The following DCAF17 variants were observed in gnomAD, a reference collection of about 807,000 sequenced individuals.
DCAF17 encodes DDB1- and CUL4-associated factor 17.
DCAF17 carries 48 observed loss-of-function variants against 66.0 expected under a neutral mutation model. The ratio of observed to expected loss-of-function variants is 0.73; its 90% CI spans 0.58 to 0.92. The LOEUF (loss-of-function observed/expected upper bound fraction) is 0.92, where lower values mean the gene tolerates loss of function less well. DCAF17 is among the 40% of genes least tolerant of loss of function. DCAF17 has a pLI of 0.00. For missense variants in DCAF17, 562 were observed against 622.8 expected, an observed-to-expected ratio of 0.90 and a Z score of 1.04; for synonymous variants, 206 against 214.6, an observed-to-expected ratio of 0.96 and a Z score of 0.35.
At chr2:171,464,924 G>C (rs1034172668) in intron 8 of DCAF17, among the ~76,000 whole-genome samples, 2 of 152,006 alleles carry the variant, frequency 1.3e-5, no homozygotes, top group Non-Finnish European at 2.9e-5. Flanking sequence ...GGCCAGGTGC[G>C]GTGGCTCACA....
chr2:171,473,804 G>C, intron 9 of DCAF17, 62 bp from the exon 10 acceptor site: 7 of 1,362,052 alleles, frequency 5.1e-6, no homozygotes, highest in Non-Finnish European at 7.3e-6. Context: ...ACTTGGGTTA[G>C]ATTTGTAAAA....
intron 2 of DCAF17, among the ~76,000 whole-genome samples, chr2:171,442,252 A>G (rs1694345276): frequency 6.6e-6 from 1 of 152,206 alleles, no homozygotes; most frequent in South Asian, 2.1e-4. Flanking sequence ...TTTAATTTCA[A>G]AGTTCATTTA....
intron 8 of DCAF17, among the ~76,000 whole-genome samples, chr2:171,460,526 T>TTA (rs1695521029): frequency 6.9e-6 from 1 of 144,124 alleles, no homozygotes; most frequent in Admixed American, 7.3e-5. Context: ...ATTATTATTA[T>TTA]TATTATTATT....
At chr2:171,467,068 T>G (rs968178292) in intron 8 of DCAF17, among the ~76,000 whole-genome samples, 5 of 152,224 alleles carry the variant, frequency 3.3e-5, no homozygotes, top group Non-Finnish European at 7.3e-5. Context: ...ATATTTGATA[T>G]GTTTATGCCT....
intron 3 of DCAF17, among the ~76,000 whole-genome samples, chr2:171,445,133 T>A (rs1694539841): frequency 1.1e-5 from 1 of 88,764 alleles, no homozygotes; most frequent in Non-Finnish European, 2.4e-5. Flanking sequence ...ATTCTCACTA[T>A]TTTTTTTTTT....
intron 8 of DCAF17, among the ~76,000 whole-genome samples, chr2:171,461,629 A>G (rs981890493): frequency 3.3e-5 from 5 of 152,198 alleles, no homozygotes; most frequent in African/African-American, 9.6e-5. Flanking sequence ...GTGCTCTTTT[A>G]TAACTCACTT....
In DCAF17 at chr2:171,449,870, TTTTAAAAGA is replaced by T; in HGVS notation, c.459-7_460del. ...CAAATAAATAAACTTCTCTTCATTC[TTTTAAAAGA>T]TACTTGAGCTGGGACACTCCTCAAG... On this transcript the variant is annotated splice_acceptor_variant and splice_polypyrimidine_tract_variant and coding_sequence_variant and intron_variant, in exon 5 of 14. Transcript: ENST00000375255. LOFTEE classifies it high-confidence loss of function. 6.2e-7 allele frequency: 1 copy of T among 1,610,964 alleles called. No homozygotes were observed. The highest frequency in any genetic ancestry group is 1.3e-5 in the African/African-American group (1 of 75,002).
At chr2:171,461,987 A>G (rs1380609732) in intron 8 of DCAF17, among the ~76,000 whole-genome samples, 6 of 152,208 alleles carry the variant, frequency 3.9e-5, no homozygotes, top group Non-Finnish European at 8.8e-5. Context: ...GCATGTATCT[A>G]TAGCCTAACC....
intron 9 of DCAF17, among the ~76,000 whole-genome samples, chr2:171,469,788 T>A (rs755732492): frequency 1.3e-5 from 2 of 152,108 alleles, no homozygotes; most frequent in Non-Finnish European, 2.9e-5. Context: ...TATTTTGTAT[T>A]GCTGATTATG....
At chr2:171,476,997 A>G (rs1696529519) in intron 11 of DCAF17, 47 bp downstream of exon 11, 1 of 1,349,872 alleles carries the variant, frequency 7.4e-7, no homozygotes. Context: ...TTGTCTTTCT[A>G]TATAAGACTA....
chr2:171,437,199 T>C (rs112471541), intron 2 of DCAF17, among the ~76,000 whole-genome samples: 3 of 152,368 alleles, frequency 2.0e-5, no homozygotes, highest in African/African-American at 7.2e-5. Context: ...TAGGTTTTTT[T>C]CTAAAGGGTT....
At chr2:171,478,507 T>C (rs1202071295) in intron 12 of DCAF17, among the ~76,000 whole-genome samples, 4 of 152,234 alleles carry the variant, frequency 2.6e-5, no homozygotes, top group Non-Finnish European at 5.9e-5. Context: ...TGTGAGGGCA[T>C]GATAAATCAG....
intron 8 of DCAF17, among the ~76,000 whole-genome samples, chr2:171,462,168 A>G (rs1047365830): frequency 6.6e-6 from 1 of 152,198 alleles, no homozygotes; most frequent in Non-Finnish European, 1.5e-5. Flanking sequence ...AGTGTGGGGA[A>G]GACCTTTTTA....
In DCAF17 at chr2:171,448,661, ATC is replaced by A. The variant is rs771200708; in HGVS notation, c.322-14_322-13del. 9.9e-5 allele frequency: 151 copies of A among 1,525,074 alleles called. No homozygotes were observed. The highest frequency in any genetic ancestry group is 9.6e-4 in the African/African-American group (67 of 69,676). The allele number at this position is 1,525,074 out of a possible 1,614,324, so 94.5% of individuals were successfully genotyped here. A position where few individuals can be genotyped will look rare whatever the true frequency, so the allele number is the denominator to read the frequency against. Reference sequence around the variant, plus strand: ...CATGGCCAAGCAGTTTCATTTTTATATCTCTCTTTTTTTTTTTAGGGAGATAT... The same window carrying A: ...CATGGCCAAGCAGTTTCATTTTTATATCTCTTTTTTTTTTTAGGGAGATAT... On this transcript the variant is annotated intron_variant, in intron 3 of 13. Transcript: ENST00000375255.
At position 171,481,497 on chromosome 2, in the gene DCAF17, A is replaced by G. The variant is rs757543988; in HGVS notation, c.*383A>G. 4.4e-6 allele frequency: 2 copies of G among 456,584 alleles called. No homozygotes were observed. The highest frequency in any genetic ancestry group is 3.1e-5 in the South Asian group (2 of 64,504). The allele number at this position is 456,584 out of a possible 1,614,324, so 28.3% of individuals were successfully genotyped here. A position where few individuals can be genotyped will look rare whatever the true frequency, so the allele number is the denominator to read the frequency against. On this transcript the variant is annotated 3_prime_UTR_variant, in exon 14 of 14. Coordinates refer to ENST00000375255, the MANE Select transcript of DCAF17 (RefSeq NM_025000.4). Reference sequence around the variant, plus strand: ...GGAATTTTGTTTGTTAAGGCTAGGAAAGACAGGGAGAGACAAAAGTAAACA... The same window carrying G: ...GGAATTTTGTTTGTTAAGGCTAGGAGAGACAGGGAGAGACAAAAGTAAACA...
At chr2:171,480,402 A>G (rs1194675521) in intron 13 of DCAF17, among the ~76,000 whole-genome samples, 1 of 151,914 alleles carries the variant, frequency 6.6e-6, no homozygotes, top group Non-Finnish European at 1.5e-5. Flanking sequence ...GGCCTTAAAG[A>G]TAAAACTTCA....
chr2:171,483,584 T>G lies in DCAF17; in HGVS notation c.*2470T>G. 1 of 454,140 alleles carries G rather than the reference T, an allele frequency of 2.2e-6. No homozygotes were observed. The highest frequency in any genetic ancestry group is 1.6e-5 in the South Asian group (1 of 64,478). 28.1% of individuals were successfully genotyped at this position (454,140 alleles called of 1,614,324 possible). A position where few individuals can be genotyped will look rare whatever the true frequency, so the allele number is the denominator to read the frequency against. On this transcript the variant is annotated 3_prime_UTR_variant, in exon 14 of 14. Transcript: ENST00000375255. The stretch of plus-strand genomic sequence containing the variant: ...GTGCTACCTAGTGAGGAGATACCGC[T>G]CTGTTTAGACAAATTAAGGCACTTC...
In DCAF17 at chr2:171,473,873, A is replaced by G. The variant is rs1696376469; in HGVS notation, c.989A>G (p.Asn330Ser). ...CALKDNSLAKNGIQEMDCCSL... is the reference protein window; with the variant it reads ...CALKDNSLAKSGIQEMDCCSL... ...ACTTTTTTCCAACTTCAGGCAAAAAATGGGATCCAAGAAATGGATTGTTGT... is the reference window on the plus strand; with the variant it reads ...ACTTTTTTCCAACTTCAGGCAAAAAGTGGGATCCAAGAAATGGATTGTTGT... The change falls in exon 10 of 14, where the codon AAT becomes AGT. Residue 330 changes from asparagine to serine, a missense_variant. By Grantham distance (46) the Asn-to-Ser change is conservative. This residue lies in a region of DCAF17 where 201 missense variants were observed against 231.1 expected (regional missense o/e 0.87). Coordinates refer to ENST00000375255, the MANE Select transcript of DCAF17 (RefSeq NM_025000.4). 1 of 1,613,416 alleles carries G rather than the reference A, an allele frequency of 6.2e-7. No homozygotes were observed.
rs1300693083 is a variant in DCAF17, at chr2:171,434,655, C to A, written c.78C>A (p.Gly26=). 2.6e-6 allele frequency: 4 copies of A among 1,535,372 alleles called. No homozygotes were observed. Among genetic ancestry groups the A allele is most frequent in the Non-Finnish European group, 2.6e-6 (3 of 1,149,266 alleles). ...TGGGCTGCTTCTCGCGCGACGCAGG[C>A]GTGGTGCAGAGGACCAACCTGGGCA... The part of the protein sequence containing the change: ...RALGCFSRDA[G]VVQRTNLGIL... Residue 26 remains glycine, a synonymous_variant, in exon 1 of 14, where the codon GGC becomes GGA. Coordinates refer to ENST00000375255, the MANE Select transcript of DCAF17 (RefSeq NM_025000.4).
Sources: gnomAD v4.1 joint callset for allele counts (sites outside exome capture counted in the v4.1 genomes callset) on GRCh38, gnomAD v4.1.1 for gene constraint, gnomAD v4.1.1 regional missense constraint, MANE v1.5 for transcripts, NCBI Gene and HGNC (gene_info 2026-07-23, HGNC 2026-07-21) for gene names.